Variants in PCLO observed in about 807,000 individuals in gnomAD.
PCLO encodes protein piccolo.
In PCLO, 82 loss-of-function variants were observed where a neutral mutation model predicts 427.5. The ratio of observed to expected loss-of-function variants is 0.19; its 90% CI spans 0.16 to 0.23. The LOEUF (loss-of-function observed/expected upper bound fraction) is 0.23. Among genes scored for constraint, PCLO ranks in the 10% least tolerant of loss-of-function variants. The pLI is 1.00. For missense variants in PCLO, 6,239 were observed against 6,115.9 expected, an observed-to-expected ratio of 1.02 and a Z score of -0.67; for synonymous variants, 2,357 against 2,155.4, an observed-to-expected ratio of 1.09 and a Z score of -2.59.
In PCLO at chr7:83,155,513, A is replaced by C. The variant is rs1244252877; in HGVS notation, c.1128T>G (p.Thr376=). ...GCTCCGATGAAGGCTTCTCTGACCC[A>C]GTCTGCTGAGCTGGAGGCTTAGCAG... ...LGPAKPPAQQ[T]GSEKPSSEQP... The change falls in exon 2 of 25, where the codon ACT becomes ACG. Residue 376 remains threonine, a synonymous_variant. Coordinates refer to ENST00000333891, the MANE Select transcript of PCLO (RefSeq NM_033026.6). 6.2e-7 allele frequency: 1 copy of C among 1,612,918 alleles called. No homozygotes were observed. Among genetic ancestry groups the C allele is most frequent in the South Asian group, 1.1e-5 (1 of 90,958 alleles).
In PCLO at chr7:82,952,634, G is replaced by A. The variant is rs556525595; in HGVS notation, c.8319C>T (p.Pro2773=). The change falls in exon 5 of 25, where the codon CCC becomes CCT. Residue 2773 remains proline, a synonymous_variant. Transcript: ENST00000333891. ...VYGKQISAVQ[P]SIINLSVTSS... The stretch of plus-strand genomic sequence containing the variant: ...ATGTCACACTAAGATTTATAATAGA[G>A]GGTTGGACAGCACTAATTTGTTTCC... 3.7e-6 allele frequency: 6 copies of A among 1,613,786 alleles called. No homozygotes were observed. The highest frequency in any genetic ancestry group is 1.7e-5 in the Admixed American group (1 of 60,000).
chr7:83,025,117 G>C (rs570888872), intron 3 of PCLO, among the ~76,000 whole-genome samples: 1 of 152,160 alleles, frequency 6.6e-6, no homozygotes, highest in Non-Finnish European at 1.5e-5. Context: ...CGACTTTGAC[G>C]AGCTGAGAGA....
At chr7:83,116,584 T>G (rs969147328) in intron 3 of PCLO, among the ~76,000 whole-genome samples, 39 of 152,214 alleles carry the variant, frequency 2.6e-4, no homozygotes, top group African/African-American at 9.4e-4. Flanking sequence ...GTGAAATGAC[T>G]ACATCTAGGT....
chr7:82,860,226 T>C (rs943241022), intron 10 of PCLO, among the ~76,000 whole-genome samples: 3 of 151,778 alleles, frequency 2.0e-5, no homozygotes, highest in African/African-American at 7.3e-5. Flanking sequence ...ACAAGAAGGT[T>C]TTAGAGGGCC....
intron 13 of PCLO, among the ~76,000 whole-genome samples, chr7:82,843,659 G>A (rs1792424507): frequency 6.9e-6 from 1 of 145,254 alleles, no homozygotes; most frequent in African/African-American, 2.5e-5. Flanking sequence ...ATTCCACAAC[G>A]TATTCATTTT....
At position 83,135,067 on chromosome 7, in the gene PCLO, G is replaced by T; in HGVS notation, c.2483C>A (p.Ser828Ter). The change falls in exon 3 of 25, where the codon TCA (serine) becomes TAA (stop). Residue 828 changes from serine (S) to a stop codon, truncating the protein, a stop_gained. Transcript: ENST00000333891. LOFTEE classifies it high-confidence loss of function. ...GGGACCAGGATGTGAAATAATTTTTGAATCTGATGCAGGTCGAGGTATGGC... is the reference window on the plus strand; with the variant it reads ...GGGACCAGGATGTGAAATAATTTTTTAATCTGATGCAGGTCGAGGTATGGC... ...SKAIPRPASD[S>*]KIISHPGPSS... The T allele has an allele frequency of 6.2e-7, 1 of 1,613,894 alleles. No individual in the cohort carries two copies. The highest frequency in any genetic ancestry group is 1.1e-5 in the South Asian group (1 of 91,078).
chr7:82,794,195 A>G (rs143411309), intron 22 of PCLO, among the ~76,000 whole-genome samples: 1 of 151,998 alleles, frequency 6.6e-6, no homozygotes, highest in East Asian at 1.9e-4. Context: ...AATTATTATG[A>G]TGTCTCACGC....
intron 10 of PCLO, among the ~76,000 whole-genome samples, chr7:82,872,392 A>C (rs147053386): frequency 1.3e-3 from 200 of 152,218 alleles, no homozygotes; most frequent in African/African-American, 4.7e-3. Context: ...AAGTAAATGA[A>C]AGCAACAATG....
intron 3 of PCLO, among the ~76,000 whole-genome samples, chr7:83,108,364 CTACT>C (rs1439966016): frequency 2.0e-5 from 3 of 152,122 alleles, no homozygotes; most frequent in South Asian, 2.1e-4. Flanking sequence ...ATCTATATAC[CTACT>C]TACTTATCTA....
intron 22 of PCLO, among the ~76,000 whole-genome samples, chr7:82,768,422 C>CAAAA (rs528186012): frequency 2.2e-5 from 2 of 91,080 alleles, no homozygotes; most frequent in African/African-American, 7.0e-5. Flanking sequence ...GACTCTGTCT[C>CAAAA]AAAAAAAAAA....
At chr7:83,052,388 A>G (rs1261874599) in intron 3 of PCLO, among the ~76,000 whole-genome samples, 1 of 152,034 alleles carries the variant, frequency 6.6e-6, no homozygotes, top group Admixed American at 6.6e-5. Flanking sequence ...TAGAGCTAGA[A>G]TTATTTGGAA....
chr7:82,905,399 C>A (rs10808302), intron 8 of PCLO, among the ~76,000 whole-genome samples: 91,580 of 151,748 alleles, frequency 0.6, 28,631 homozygotes, highest in East Asian at 0.81. Context: ...ACAGACATCC[C>A]TTCCCTCACT....
chr7:82,986,137 G>T (rs975350821), intron 3 of PCLO, among the ~76,000 whole-genome samples: 3 of 151,778 alleles, frequency 2.0e-5, no homozygotes, highest in Admixed American at 6.6e-5. Flanking sequence ...ATTCAAGAAG[G>T]ATGAATGAGA....
At chr7:82,828,297 C>G (rs964454906) in intron 16 of PCLO, among the ~76,000 whole-genome samples, 2 of 151,974 alleles carry the variant, frequency 1.3e-5, no homozygotes, top group African/African-American at 4.8e-5. Context: ...ATCAATGTTA[C>G]TGCCCCATAA....
chr7:83,008,888 ACACT>A (rs1278123116), intron 3 of PCLO, among the ~76,000 whole-genome samples: 3 of 151,638 alleles, frequency 2.0e-5, no homozygotes, highest in Non-Finnish European at 4.4e-5. Context: ...GATAAGAAAC[ACACT>A]CAAAGTGCCA....
chr7:82,936,360 CA>C (rs555531874), intron 6 of PCLO, among the ~76,000 whole-genome samples: 1 of 151,456 alleles, frequency 6.6e-6, no homozygotes, highest in Non-Finnish European at 1.5e-5. Context: ...AAAAAGTGGT[CA>C]AAAGACTTAG....
chr7:83,016,175 A>ATG (rs1380561220), intron 3 of PCLO, among the ~76,000 whole-genome samples: 3 of 152,096 alleles, frequency 2.0e-5, no homozygotes, highest in Non-Finnish European at 4.4e-5. Context: ...CCAACAACAG[A>ATG]TGGACTGACT....
At chr7:82,802,580 G>A (rs985199) in intron 21 of PCLO, among the ~76,000 whole-genome samples, 128,629 of 152,122 alleles carry the variant, frequency 0.85, 54,464 homozygotes, top group East Asian at 0.93. Context: ...GCCTTTATAT[G>A]TGCTTAGATA....
At chr7:82,791,553 G>A (rs1465302316) in intron 22 of PCLO, among the ~76,000 whole-genome samples, 1 of 149,262 alleles carries the variant, frequency 6.7e-6, no homozygotes, top group African/African-American at 2.5e-5. Flanking sequence ...GTTTTTAGTG[G>A]TACAAAGCAA....
Sources: allele counts gnomAD v4.1 joint callset (sites outside exome capture counted in the v4.1 genomes callset), GRCh38; gene constraint gnomAD v4.1.1; transcripts MANE v1.5; gene names NCBI Gene and HGNC (gene_info 2026-07-23, HGNC 2026-07-21).